The following ADAMTS18 variants were observed in gnomAD, a reference collection of about 807,000 sequenced individuals.
The protein encoded by ADAMTS18 is ADAM metallopeptidase with thrombospondin type 1 motif 18.
In ADAMTS18, 157 loss-of-function variants were observed where a neutral mutation model predicts 165.9. The observed-to-expected ratio is 0.95, with a 90% CI of 0.83 to 1.08. ADAMTS18 has a LOEUF of 1.08. ADAMTS18 is among the 50% of genes least tolerant of loss of function. The pLI, the probability that ADAMTS18 is intolerant of heterozygous loss-of-function variation, is 0.00. For missense variants in ADAMTS18, 2,040 were observed against 1,534.0 expected (o/e 1.33, Z -5.51); for synonymous variants, 782 against 578.2 (o/e 1.35, Z -5.06).
At chr16:77,411,323 C>A (rs988006129) in intron 3 of ADAMTS18, among the ~76,000 whole-genome samples, 1 of 152,200 alleles carries the variant, frequency 6.6e-6, no homozygotes, top group Admixed American at 6.5e-5. Flanking sequence ...AAAGAACATG[C>A]TGGAGTCAGT....
intron 16 of ADAMTS18, among the ~76,000 whole-genome samples, chr16:77,314,804 T>C (rs1476870955): frequency 9.1e-5 from 6 of 65,578 alleles, no homozygotes; most frequent in African/African-American, 3.5e-4. Flanking sequence ...TGTGATATGC[T>C]CAGAAGGCAA....
intron 3 of ADAMTS18, 100 bp downstream of exon 3, chr16:77,431,195 G>A (rs1212142404): frequency 8.0e-7 from 1 of 1,255,990 alleles, no homozygotes; most frequent in Non-Finnish European, 1.2e-6. Context: ...GTGTGAATGT[G>A]TGGAGTTGGC....
At chr16:77,430,248 G>C (rs2057722786) in intron 3 of ADAMTS18, among the ~76,000 whole-genome samples, 1 of 152,210 alleles carries the variant, frequency 6.6e-6, no homozygotes, top group Admixed American at 6.5e-5. Flanking sequence ...TCAATGGTGA[G>C]CCATGTTCAT....
Position 77,431,461 on chromosome 16 carries a change from A to C in ADAMTS18, c.329T>G (p.Leu110Ter), listed in dbSNP as rs982958026. 2 of 1,614,114 alleles carry C rather than the reference A, an allele frequency of 1.2e-6. No individual in the cohort carries two copies. The highest frequency in any genetic ancestry group is 2.7e-5 in the African/African-American group (2 of 74,932). ...CAAAATCGCCGAGGGCTTAAGTTCTAAGTGCAGTTCCTGTCCAAATGCTGA... is the reference window on the plus strand; with the variant it reads ...CAAAATCGCCGAGGGCTTAAGTTCTCAGTGCAGTTCCTGTCCAAATGCTGA... ...RFSAFGQELH[L>*]ELKPSAILSS... is the part of the protein sequence containing the mutation. Residue 110 changes from leucine to a stop codon, truncating the protein, a stop_gained, in exon 3 of 23, where the codon TTA becomes TGA. Transcript: ENST00000282849. LOFTEE classifies it high-confidence loss of function.
intron 3 of ADAMTS18, among the ~76,000 whole-genome samples, chr16:77,409,578 A>G (rs774202319): frequency 2.6e-5 from 4 of 152,148 alleles, no homozygotes; most frequent in Non-Finnish European, 5.9e-5. Flanking sequence ...GAGATCAAAA[A>G]CCATGTGCTC....
At chr16:77,399,517 A>T (rs1211672893) in intron 3 of ADAMTS18, among the ~76,000 whole-genome samples, 1 of 152,162 alleles carries the variant, frequency 6.6e-6, no homozygotes, top group African/African-American at 2.4e-5. Flanking sequence ...AAACTAAGTG[A>T]TGTCTTTTGT....
intron 16 of ADAMTS18, among the ~76,000 whole-genome samples, chr16:77,307,482 T>G (rs1374871798): frequency 6.6e-6 from 1 of 152,216 alleles, no homozygotes; most frequent in Non-Finnish European, 1.5e-5. Flanking sequence ...ACATTGAACC[T>G]TGACTACAGT....
At chr16:77,294,720 A>G (rs2055432385) in intron 19 of ADAMTS18, among the ~76,000 whole-genome samples, 2 of 152,112 alleles carry the variant, frequency 1.3e-5, no homozygotes, top group South Asian at 4.1e-4. Context: ...TCCTCTAAGG[A>G]GGATTCTAAG....
At chr16:77,288,324 C>T (rs1026198470) in intron 22 of ADAMTS18, among the ~76,000 whole-genome samples, 2 of 152,032 alleles carry the variant, frequency 1.3e-5, no homozygotes, top group African/African-American at 2.4e-5. Flanking sequence ...AACATGACCG[C>T]TTGCTCATTT....
chr16:77,303,758 A>T (rs12927207), intron 16 of ADAMTS18, among the ~76,000 whole-genome samples: 1 of 151,976 alleles, frequency 6.6e-6, no homozygotes, highest in Non-Finnish European at 1.5e-5. Context: ...CTAGGGCCGG[A>T]CGCGGGGGCT....
intron 10 of ADAMTS18, among the ~76,000 whole-genome samples, chr16:77,352,708 G>C (rs1425422480): frequency 2.0e-5 from 3 of 151,940 alleles, no homozygotes; most frequent in African/African-American, 7.3e-5. Context: ...GGAGTAGAGG[G>C]GGAAAGAGGA....
intron 3 of ADAMTS18, among the ~76,000 whole-genome samples, chr16:77,414,514 T>C (rs1285881480): frequency 1.3e-5 from 2 of 152,236 alleles, no homozygotes; most frequent in Non-Finnish European, 2.9e-5. Context: ...TCCCTATTTC[T>C]TTTTGCTTTA....
At chr16:77,377,690 T>G (rs1214568329) in intron 3 of ADAMTS18, among the ~76,000 whole-genome samples, 1 of 152,250 alleles carries the variant, frequency 6.6e-6, no homozygotes, top group African/African-American at 2.4e-5. Flanking sequence ...TTAATTTATT[T>G]TTCACTTTTT....
At chr16:77,392,495 C>T (rs2057201408) in intron 3 of ADAMTS18, among the ~76,000 whole-genome samples, 1 of 152,162 alleles carries the variant, frequency 6.6e-6, no homozygotes, top group Admixed American at 6.5e-5. Context: ...GAAAACTTCC[C>T]TGAACACCCT....
intron 3 of ADAMTS18, among the ~76,000 whole-genome samples, chr16:77,421,153 C>A (rs2057597400): frequency 6.6e-6 from 1 of 152,182 alleles, no homozygotes; most frequent in South Asian, 2.1e-4. Context: ...TATTCCCAAG[C>A]TCAGCAGCAT....
intron 3 of ADAMTS18, among the ~76,000 whole-genome samples, chr16:77,395,554 C>T (rs1326629952): frequency 6.6e-6 from 1 of 152,154 alleles, no homozygotes; most frequent in Admixed American, 6.5e-5. Context: ...CCCCATAAAG[C>T]ATAACTTCAT....
At chr16:77,431,270 T>A in intron 3 of ADAMTS18, 25 bp downstream of exon 3, 1 of 1,613,814 alleles carries the variant, frequency 6.2e-7, no homozygotes, top group South Asian at 1.1e-5. Flanking sequence ...AAGAGGGAGC[T>A]CAACTCAGAC....
At chr16:77,289,548 GCTT>G in intron 21 of ADAMTS18, 137 bp from the exon 22 acceptor site, 3 of 971,976 alleles carry the variant, frequency 3.1e-6, no homozygotes, top group Non-Finnish European at 4.7e-6. Flanking sequence ...AGGCACATGT[GCTT>G]ACAGTCCACA....
At chr16:77,325,655 A>C (rs566043054) in intron 13 of ADAMTS18, among the ~76,000 whole-genome samples, 111 of 150,676 alleles carry the variant, frequency 7.4e-4, no homozygotes, top group Non-Finnish European at 3.7e-4. Flanking sequence ...CAGATGTGGG[A>C]GACAAGAGGT....
Sources: allele counts gnomAD v4.1 joint callset (sites outside exome capture counted in the v4.1 genomes callset), GRCh38; gene constraint gnomAD v4.1.1; transcripts MANE v1.5; gene names NCBI Gene and HGNC (gene_info 2026-07-23, HGNC 2026-07-21).